ZNF260: variants seen among roughly 807,000 people sequenced by gnomAD.
The protein encoded by ZNF260 is zfp-260.
ZNF260 carries 21 observed loss-of-function variants against 29.3 expected under a neutral mutation model. That is an observed-to-expected ratio of 0.72 (90% CI 0.51 to 1.03). The LOEUF (loss-of-function observed/expected upper bound fraction) is 1.03. ZNF260 is among the 50% of genes least tolerant of loss of function. The probability of loss-of-function intolerance (pLI) is 0.00; values close to 1 mark genes in which losing one functional copy is unlikely to be tolerated. For missense variants in ZNF260, 465 were observed against 487.8 expected (o/e 0.95, Z 0.44); for synonymous variants, 156 against 156.8 (o/e 0.99, Z 0.04).
chr19:36,522,153 C>T (rs2034656621), intron 2 of ZNF260, among the ~76,000 whole-genome samples: 1 of 151,284 alleles, frequency 6.6e-6, no homozygotes, highest in African/African-American at 2.4e-5. Flanking sequence ...TAAATAGTGA[C>T]CTGTTAAAAC....
intron 2 of ZNF260, among the ~76,000 whole-genome samples, chr19:36,516,617 C>T (rs1026882087): frequency 5.9e-5 from 9 of 152,040 alleles, no homozygotes; most frequent in Admixed American, 2.0e-4. Flanking sequence ...CTTGCTCTGT[C>T]GCCCAGGCTG....
rs1029007592 is a variant in ZNF260, at chr19:36,513,785, G to A, written c.*215C>T. The A allele has an allele frequency of 1.7e-6, 1 of 592,680 alleles. No individual in the cohort carries two copies. The allele number at this position is 592,680 out of a possible 1,614,324, so 36.7% of individuals were successfully genotyped here. A position where few individuals can be genotyped will look rare whatever the true frequency, so the allele number is the denominator to read the frequency against. ...AACTTTAATGAGTATACTCCTAGAA[G>A]TACAGCATTGATAATGCTTGTTGTG... On this transcript the variant is annotated 3_prime_UTR_variant, in exon 3 of 3. Transcript: ENST00000523638.
At chr19:36,517,094 G>A (rs1347012583) in intron 2 of ZNF260, among the ~76,000 whole-genome samples, 2 of 152,096 alleles carry the variant, frequency 1.3e-5, no homozygotes, top group African/African-American at 4.8e-5. Flanking sequence ...AGATATCAGT[G>A]GACAAAAAGT....
chr19:36,524,537 T>C (rs76366307), intron 2 of ZNF260, among the ~76,000 whole-genome samples: 1 of 132,362 alleles, frequency 7.6e-6, no homozygotes, highest in Non-Finnish European at 1.7e-5. Flanking sequence ...TTTTTTTTAT[T>C]GATCATTCTT....
chr19:36,514,119 T>C lies in ZNF260; in HGVS notation c.1120A>G (p.Thr374Ala), dbSNP rs758434038. The C allele has an allele frequency of 6.2e-7, 1 of 1,613,988 alleles. No individual in the cohort carries two copies. The highest frequency in any genetic ancestry group is 8.5e-7 in the Non-Finnish European group (1 of 1,179,978). ...ECGKAFSQFSTLALHMRIHTG... is the reference protein window; with the variant it reads ...ECGKAFSQFSALALHMRIHTG... Reference sequence around the variant, plus strand: ...TGGATTCTCATGTGCAGAGCAAGGGTTGAGAACTGAGAAAAGGCTTTCCCA... The same window carrying C: ...TGGATTCTCATGTGCAGAGCAAGGGCTGAGAACTGAGAAAAGGCTTTCCCA... The change falls in exon 3 of 3, where the codon ACC (threonine) becomes GCC (alanine). Residue 374 changes from threonine (T) to alanine (A), a missense_variant. Transcript: ENST00000523638.
At chr19:36,520,937 G>A (rs556227234) in intron 2 of ZNF260, among the ~76,000 whole-genome samples, 1 of 151,094 alleles carries the variant, frequency 6.6e-6, no homozygotes, top group South Asian at 2.1e-4. Flanking sequence ...TAAAAATTAG[G>A]TGGGCGTAGT....
chr19:36,519,495 C>A (rs141641233), intron 2 of ZNF260, among the ~76,000 whole-genome samples: 1 of 152,232 alleles, frequency 6.6e-6, no homozygotes, highest in East Asian at 1.9e-4. Flanking sequence ...CACTCTCAAC[C>A]TCTGAATTCA....
Position 36,514,559 on chromosome 19 carries a change from T to C in ZNF260, c.680A>G (p.Lys227Arg). Reference protein sequence around the residue: ...EKPYECKGCGKAFIQKSSLIR... With the variant: ...EKPYECKGCGRAFIQKSSLIR... Reference sequence around the variant, plus strand: ...GAGGCTTGACTTCTGAATGAAAGCTTTCCCACACCCTTTACATTCATAAGG... The same window carrying C: ...GAGGCTTGACTTCTGAATGAAAGCTCTCCCACACCCTTTACATTCATAAGG... Residue 227 changes from lysine (K) to arginine (R), a missense_variant, in exon 3 of 3, where the codon AAA (lysine) becomes AGA (arginine). Lys to Arg is a conservative substitution (Grantham distance 26). Transcript: ENST00000523638. The C allele has an allele frequency of 1.2e-6, 2 of 1,614,128 alleles. No homozygotes were observed. The highest frequency in any genetic ancestry group is 1.3e-5 in the African/African-American group (1 of 75,042).
chr19:36,518,056 C>A (rs1320722057), intron 2 of ZNF260: 3 of 152,038 alleles, frequency 2.0e-5, no homozygotes, highest in Non-Finnish European at 4.4e-5. Flanking sequence ...GTCTTGAACT[C>A]CTGACCTCAT....
intron 2 of ZNF260, among the ~76,000 whole-genome samples, chr19:36,517,670 G>C (rs2034573576): frequency 6.6e-6 from 1 of 152,052 alleles, no homozygotes; most frequent in Non-Finnish European, 1.5e-5. Context: ...AAAACCAAGA[G>C]GCTCCAAATT....
chr19:36,510,720 T>C lies in ZNF260; in HGVS notation c.*3280A>G. ...GATTACATGAATTTTTATTGTACCA[T>C]TTCTTATGGTGGCAAATAAGCAAAC... On this transcript the variant is annotated 3_prime_UTR_variant, in exon 3 of 3. Coordinates refer to ENST00000523638, the MANE Select transcript of ZNF260 (RefSeq NM_001166037.2). 1 of 152,202 alleles carries C rather than the reference T, an allele frequency of 6.6e-6. No individual in the cohort carries two copies. Among genetic ancestry groups the C allele is most frequent in the Non-Finnish European group, 1.5e-5 (1 of 68,032 alleles). 9.4% of individuals were successfully genotyped at this position (152,202 alleles called of 1,614,324 possible).
At chr19:36,516,768 C>T (rs575569443) in intron 2 of ZNF260, among the ~76,000 whole-genome samples, 8 of 152,190 alleles carry the variant, frequency 5.3e-5, no homozygotes, top group African/African-American at 1.7e-4. Flanking sequence ...TTAGTAGAAA[C>T]GGGGTTTCAC....
chr19:36,516,601 C>T (rs969318973), intron 2 of ZNF260, among the ~76,000 whole-genome samples: 11 of 152,014 alleles, frequency 7.2e-5, no homozygotes, highest in African/African-American at 9.7e-5. Context: ...TTTTTTGGGT[C>T]GGAGTCTTGC....
chr19:36,527,846 C>G (rs1282782699), intron 1 of ZNF260, among the ~76,000 whole-genome samples: 2 of 152,126 alleles, frequency 1.3e-5, no homozygotes, highest in Admixed American at 6.6e-5. Context: ...CTTATCCGCT[C>G]AATTCCTTAG....
intron 2 of ZNF260, among the ~76,000 whole-genome samples, chr19:36,524,914 T>C (rs2145757276): frequency 6.6e-6 from 1 of 152,236 alleles, no homozygotes; most frequent in East Asian, 1.9e-4. Context: ...GAATAGATTT[T>C]AGAAGAGCAA....
In ZNF260 at chr19:36,514,753, T is replaced by G. The variant is rs760628538; in HGVS notation, c.486A>C (p.Lys162Asn). 6.2e-7 allele frequency: 1 copy of G among 1,613,566 alleles called. No individual in the cohort carries two copies. The highest frequency in any genetic ancestry group is 1.1e-5 in the South Asian group (1 of 91,072). The part of the protein sequence containing the change: ...TEHEKIHTGE[K>N]PFECNQCGRA... The stretch of plus-strand genomic sequence containing the variant: ...TTCCACACTGATTACATTCAAATGG[T>G]TTTTCTCCAGTATGAATTTTCTCAT... Residue 162 changes from lysine (K) to asparagine (N), a missense_variant, in exon 3 of 3, where the codon AAA becomes AAC. Physicochemically the swap from Lys to Asn is moderately conservative, Grantham distance 94 (BLOSUM62 0). Transcript: ENST00000523638.
Position 36,513,543 on chromosome 19 carries a change from T to C in ZNF260, c.*457A>G. On this transcript the variant is annotated 3_prime_UTR_variant, in exon 3 of 3. Transcript: ENST00000523638. ...TTCCCCATATATTCATGCACACATT[T>C]CTGAATTCAATATTCTGTCTCAGTC... 5.0e-6 allele frequency: 2 copies of C among 396,680 alleles called. No homozygotes were observed. The highest frequency in any genetic ancestry group is 7.2e-5 in the East Asian group (2 of 27,858). 24.6% of individuals were successfully genotyped at this position (396,680 alleles called of 1,614,324 possible).
chr19:36,522,650 A>G (rs1322340832), intron 2 of ZNF260, among the ~76,000 whole-genome samples: 1 of 151,750 alleles, frequency 6.6e-6, no homozygotes, highest in Non-Finnish European at 1.5e-5. Context: ...CTGGCCCTTT[A>G]CAGAAAAAGC....
rs1383232885 is a variant in ZNF260, at chr19:36,515,572, C to T, written c.-334G>A. ...AAGGGTAGTCTTGAAGAATCAATGA[C>T]TGTTCAGAGGAAATACTTTGTTTCC... On this transcript the variant is annotated 5_prime_UTR_variant, in exon 3 of 3. Transcript: ENST00000523638. 5.2e-6 allele frequency: 1 copy of T among 192,312 alleles called. No individual in the cohort carries two copies. The highest frequency in any genetic ancestry group is 1.2e-5 in the Non-Finnish European group (1 of 84,500). 11.9% of individuals were successfully genotyped at this position (192,312 alleles called of 1,614,324 possible). A position where few individuals can be genotyped will look rare whatever the true frequency, so the allele number is the denominator to read the frequency against.
Sources: gnomAD v4.1 joint callset for allele counts (sites outside exome capture counted in the v4.1 genomes callset) on GRCh38, gnomAD v4.1.1 for gene constraint, MANE v1.5 for transcripts, NCBI Gene and HGNC (gene_info 2026-07-23, HGNC 2026-07-21) for gene names.